The following SCN11A variants were observed in gnomAD, a reference collection of about 807,000 sequenced individuals.
The protein encoded by SCN11A is sodium channel protein type 11 subunit alpha.
A neutral mutation model predicts 162.2 loss-of-function variants in SCN11A; 122 were observed. That is an observed-to-expected ratio of 0.75 (90% CI 0.65 to 0.87). SCN11A has a LOEUF of 0.87. Ranked by LOEUF, SCN11A falls within the 40% of genes least tolerant of loss-of-function variation. SCN11A has a pLI of 0.00. For synonymous variants in SCN11A, 758 were observed against 751.5 expected, an observed-to-expected ratio of 1.01 and a Z score of -0.14; for missense variants, 2,015 against 2,181.6, an observed-to-expected ratio of 0.92 and a Z score of 1.52.
chr3:38,971,956 G>A (rs1035116692), intron 2 of SCN11A, among the ~76,000 whole-genome samples: 5 of 152,194 alleles, frequency 3.3e-5, no homozygotes, highest in African/African-American at 4.8e-5. Flanking sequence ...GGAGGAAGGA[G>A]GGAGGCAGAG....
At position 38,899,965 on chromosome 3, in the gene SCN11A, G is replaced by A. The variant is rs1172640833; in HGVS notation, c.1951C>T (p.Leu651=). Residue 651 remains leucine (L), a synonymous_variant, in exon 17 of 30, where the codon CTG becomes TTG. Transcript: ENST00000302328. The part of the protein sequence containing the change: ...WNIFDSIVAL[L]SFADVMNCVL... ...CAGTTCATTACATCTGCAAAACTCA[G>A]AAGAGCAACAATGCTGTCAAAAATG... The A allele has an allele frequency of 3.7e-6, 6 of 1,614,088 alleles. No individual in the cohort carries two copies. Among genetic ancestry groups the A allele is most frequent in the Non-Finnish European group, 5.1e-6 (6 of 1,179,980 alleles).
At chr3:38,867,526 C>A (rs2126092843) in intron 26 of SCN11A, 68 bp from the exon 27 acceptor site, 1 of 1,253,132 alleles carries the variant, frequency 8.0e-7, no homozygotes, top group South Asian at 1.4e-5. Context: ...TTCTAACTAC[C>A]TTATCTAGAA....
At chr3:39,024,623 T>G (rs1009917545) in intron 2 of SCN11A, among the ~76,000 whole-genome samples, 66 of 152,320 alleles carry the variant, frequency 4.3e-4, no homozygotes, top group African/African-American at 1.5e-3. Context: ...ATACTCTAAC[T>G]TTTCCTCTAC....
At chr3:38,911,027 A>G (rs1311055316) in intron 11 of SCN11A, among the ~76,000 whole-genome samples, 4 of 152,218 alleles carry the variant, frequency 2.6e-5, no homozygotes, top group Admixed American at 2.0e-4. Context: ...TGTCATTTAT[A>G]CACCCCAAAT....
chr3:39,042,700 G>A (rs1001948859), intron 1 of SCN11A, among the ~76,000 whole-genome samples: 1 of 152,110 alleles, frequency 6.6e-6, no homozygotes, highest in East Asian at 1.9e-4. Flanking sequence ...GCTCACGCCT[G>A]TAATCCCAGC....
intron 3 of SCN11A, among the ~76,000 whole-genome samples, chr3:38,955,604 C>T (rs1021961761): frequency 6.6e-6 from 1 of 152,112 alleles, no homozygotes; most frequent in African/African-American, 2.4e-5. Flanking sequence ...GAAATTTGTA[C>T]AGAAATACTT....
rs1034935162 is a variant in SCN11A at position 38,920,217 on chromosome 3, G to A, written c.893-216C>T. ...AAGGAAGGAGAAGTTGGAGGAGGAAGCAGTGACATCACCACCACCACTTTG... is the reference window on the plus strand; with the variant it reads ...AAGGAAGGAGAAGTTGGAGGAGGAAACAGTGACATCACCACCACCACTTTG... On this transcript the variant is annotated intron_variant, in intron 10 of 29. Coordinates refer to ENST00000302328, the MANE Select transcript of SCN11A (RefSeq NM_001349253.2). 4.6e-5 allele frequency among the ~76,000 whole-genome samples: 7 copies of A among 151,930 alleles called. No individual in the cohort carries two copies. The South Asian group carries it at 1.5e-3, about 32-fold the overall frequency.
At chr3:38,876,639 C>T (rs1559501150) in intron 23 of SCN11A, among the ~76,000 whole-genome samples, 1 of 152,072 alleles carries the variant, frequency 6.6e-6, no homozygotes, top group East Asian at 1.9e-4. Flanking sequence ...CAGGGAAATA[C>T]AAATCATAAC....
intron 11 of SCN11A, among the ~76,000 whole-genome samples, chr3:38,914,540 G>A (rs549039622): frequency 1.3e-5 from 2 of 152,152 alleles, no homozygotes; most frequent in Non-Finnish European, 2.9e-5. Context: ...TAGGAGTGGT[G>A]AGAGAGGGTA....
rs140714905 is a variant in SCN11A, at chr3:38,981,515, T to C, written c.-279-21092A>G. 4.3e-3 allele frequency among the ~76,000 whole-genome samples: 628 copies of C among 146,986 alleles called. 9 individuals carry two copies. Among genetic ancestry groups the C allele is most frequent in the African/African-American group, 0.016 (595 of 38,126 alleles). The stretch of plus-strand genomic sequence containing the variant: ...TTCCTGGTACCTTTAGGCATCAGTG[T>C]TTCTGTGTTGTGTGTGTGTGTTTGT... On this transcript the variant is annotated intron_variant, in intron 2 of 29. Transcript: ENST00000302328.
At chr3:38,961,280 T>A (rs751753059) in intron 2 of SCN11A, among the ~76,000 whole-genome samples, 1 of 152,240 alleles carries the variant, frequency 6.6e-6, no homozygotes, top group African/African-American at 2.4e-5. Context: ...ATGTTAAATA[T>A]GATAATTCTT....
intron 7 of SCN11A, among the ~76,000 whole-genome samples, chr3:38,932,880 A>G (rs889525674): frequency 6.6e-6 from 1 of 152,212 alleles, no homozygotes; most frequent in Non-Finnish European, 1.5e-5. Flanking sequence ...TGGTTCTCCC[A>G]GCACCCAGCT....
chr3:38,848,758 G>C (rs1265061440), intron 29 of SCN11A, among the ~76,000 whole-genome samples: 1 of 152,058 alleles, frequency 6.6e-6, no homozygotes, highest in Non-Finnish European at 1.5e-5. Context: ...ATGTGATTTG[G>C]TGTTCAATTA....
intron 7 of SCN11A, among the ~76,000 whole-genome samples, chr3:38,927,842 C>T (rs2066168826): frequency 6.6e-6 from 1 of 152,164 alleles, no homozygotes; most frequent in Admixed American, 6.5e-5. Context: ...CACCAGGGCC[C>T]TCTACCACAC....
intron 7 of SCN11A, among the ~76,000 whole-genome samples, chr3:38,944,877 C>T (rs1211739017): frequency 2.0e-5 from 3 of 151,880 alleles, no homozygotes; most frequent in Non-Finnish European, 4.4e-5. Flanking sequence ...GGAAGAGAAT[C>T]GCTTGAACCT....
rs1308457396 is a variant in SCN11A at position 38,872,302 on chromosome 3, G to C, written c.3394-8C>G. On this transcript the variant is annotated splice_polypyrimidine_tract_variant and splice_region_variant and intron_variant, in intron 23 of 29. Transcript: ENST00000302328. The stretch of plus-strand genomic sequence containing the variant: ...GAGGGTGGTCACAGAGACCTGATGG[G>C]AAGAGAGGCCACAGATAATGTACCT... The C allele has an allele frequency of 6.9e-7, 1 of 1,457,372 alleles. No homozygotes were observed. Among genetic ancestry groups the C allele is most frequent in the South Asian group, 1.1e-5 (1 of 87,724 alleles). The allele number at this position is 1,457,372 out of a possible 1,614,324, so 90.3% of individuals were successfully genotyped here.
intron 18 of SCN11A, among the ~76,000 whole-genome samples, chr3:38,895,746 C>T (rs2065586347): frequency 6.6e-6 from 1 of 152,088 alleles, no homozygotes; most frequent in African/African-American, 2.4e-5. Context: ...TCTCCTCTAT[C>T]TGTCTAAGTC....
chr3:38,963,654 C>T (rs111226931), intron 2 of SCN11A, among the ~76,000 whole-genome samples: 33 of 151,598 alleles, frequency 2.2e-4, no homozygotes, highest in African/African-American at 7.0e-4. Flanking sequence ...ATGTTCTCAC[C>T]GATATGTGGG....
At chr3:38,906,723 C>T (rs73828703) in intron 14 of SCN11A, among the ~76,000 whole-genome samples, 2,418 of 152,282 alleles carry the variant, frequency 0.016, 67 homozygotes, top group African/African-American at 0.056. Context: ...AATCCCCTGT[C>T]TTCAATGCAT....
Sources: gnomAD v4.1 joint callset for allele counts (sites outside exome capture counted in the v4.1 genomes callset) on GRCh38, gnomAD v4.1.1 for gene constraint, MANE v1.5 for transcripts, NCBI Gene and HGNC (gene_info 2026-07-23, HGNC 2026-07-21) for gene names.